NDUFAF6: variants seen among roughly 807,000 people sequenced by gnomAD.
NDUFAF6 encodes NADH:ubiquinone oxidoreductase complex assembly factor 6.
A neutral mutation model predicts 40.8 loss-of-function variants in NDUFAF6; 45 were observed. That is an observed-to-expected ratio of 1.10 (90% CI 0.87 to 1.42). NDUFAF6 has a LOEUF of 1.42. Ranked by LOEUF, NDUFAF6 falls within the 40% of genes most tolerant of loss-of-function variation. NDUFAF6 has a pLI of 0.00. For synonymous variants in NDUFAF6, 185 were observed against 155.9 expected (o/e 1.19, Z -1.39); for missense variants, 435 against 418.5 (o/e 1.04, Z -0.34).
chr8:94,929,608 C>T (rs542797499), intron 1 of NDUFAF6: 1 of 152,252 alleles, frequency 6.6e-6, no homozygotes, highest in South Asian at 2.1e-4. Flanking sequence ...TATGAAGTCA[C>T]TTGAGTGCCT....
chr8:94,930,873 A>T, intron 1 of NDUFAF6: 1 of 1,001,562 alleles, frequency 1.0e-6, no homozygotes, highest in Non-Finnish European at 1.4e-6. Flanking sequence ...AGACAAGTTT[A>T]TTATTCTGTG....
intron 1 of NDUFAF6, among the ~76,000 whole-genome samples, chr8:94,944,281 G>A (rs574066106): frequency 2.0e-5 from 3 of 152,336 alleles, no homozygotes; most frequent in South Asian, 4.1e-4. Context: ...GATGCTGCAT[G>A]AGAGTAAGGC....
intron 1 of NDUFAF6, among the ~76,000 whole-genome samples, chr8:94,959,377 C>T (rs1181312990): frequency 2.0e-5 from 3 of 152,132 alleles, no homozygotes; most frequent in Non-Finnish European, 4.4e-5. Flanking sequence ...GGAAGGAGGT[C>T]AATGGGTTCT....
intron 2 of NDUFAF6, among the ~76,000 whole-genome samples, chr8:95,007,806 A>C: frequency 6.6e-6 from 1 of 150,960 alleles, no homozygotes; most frequent in African/African-American, 2.4e-5. Context: ...TTCACTGCAA[A>C]CTCTGCCTCC....
intron 2 of NDUFAF6, among the ~76,000 whole-genome samples, chr8:95,102,088 C>G (rs1215686456): frequency 1.3e-5 from 2 of 152,190 alleles, no homozygotes; most frequent in African/African-American, 4.8e-5. Flanking sequence ...ACCTCCACCT[C>G]CCGGGTTCAA....
At chr8:95,046,451 G>T (rs1830779935) in intron 5 of NDUFAF6, among the ~76,000 whole-genome samples, 1 of 152,138 alleles carries the variant, frequency 6.6e-6, no homozygotes, top group East Asian at 1.9e-4. Flanking sequence ...AGTTAGTGAG[G>T]TCTTATTGAA....
chr8:95,035,432 A>C, intron 2 of NDUFAF6, 22 bp from the exon 3 acceptor site: 1 of 1,613,260 alleles, frequency 6.2e-7, no homozygotes, highest in Middle Eastern at 1.7e-4. Flanking sequence ...CATTTGCTAA[A>C]GTTTTTAAAC....
At chr8:94,921,409 C>T (rs1386060321) in intron 1 of NDUFAF6, among the ~76,000 whole-genome samples, 1 of 152,266 alleles carries the variant, frequency 6.6e-6, no homozygotes, top group East Asian at 1.9e-4. Context: ...GAATGCATAT[C>T]TGATTGGCCA....
intron 2 of NDUFAF6, chr8:94,951,353 A>G (rs1026563037): frequency 6.6e-6 from 1 of 152,230 alleles, no homozygotes; most frequent in Non-Finnish European, 1.5e-5. Flanking sequence ...GCACTGCCAA[A>G]ATGACGGCAT....
intron 1 of NDUFAF6, chr8:94,930,736 A>AGAAAAAAGT: frequency 6.2e-7 from 1 of 1,612,898 alleles, no homozygotes; most frequent in Non-Finnish European, 8.5e-7. Context: ...ACTCTGAAAC[A>AGAAAAAAGT]GAAAAAAGTG....
downstream of NDUFAF6, among the ~76,000 whole-genome samples, chr8:95,059,687 TA>T (rs984883889): frequency 1.3e-5 from 2 of 151,684 alleles, no homozygotes; most frequent in African/African-American, 4.8e-5. Flanking sequence ...CATCTCTACT[TA>T]AAATACAAAA....
intron 2 of NDUFAF6, among the ~76,000 whole-genome samples, chr8:95,084,116 ATTAT>A (rs1249658514): frequency 5.3e-5 from 8 of 152,106 alleles, no homozygotes; most frequent in Middle Eastern, 3.2e-3. Context: ...TTATTATTTC[ATTAT>A]TTATTTATCT....
At chr8:95,079,311 A>C (rs943243303), downstream of NDUFAF6, among the ~76,000 whole-genome samples, 1 of 152,172 alleles carries the variant, frequency 6.6e-6, no homozygotes, top group Non-Finnish European at 1.5e-5. Context: ...TGGGGCAATA[A>C]ATTCTTTTTA....
At chr8:94,906,243 G>A (rs1300619093) in intron 1 of NDUFAF6, among the ~76,000 whole-genome samples, 1 of 152,078 alleles carries the variant, frequency 6.6e-6, no homozygotes, top group Non-Finnish European at 1.5e-5. Flanking sequence ...TGTGCTCTTA[G>A]GTATGACCAC....
At position 94,940,231 on chromosome 8, in the gene NDUFAF6, G is replaced by A. The variant is rs371400833; in HGVS notation, c.-935-5252G>A. The A allele has an allele frequency of 3.2e-5, 51 of 1,596,332 alleles. No individual in the cohort carries two copies. The Middle Eastern group carries it at 6.7e-4, about 21-fold the overall frequency. ...AACCAGTGCAAGTATCTAGATCGTA[G>A]TCCACATTGCAGTCCACATGTGTTG... is the stretch of plus-strand genomic sequence containing the variant. On this transcript the variant is annotated intron_variant, in intron 1 of 14. Transcript: ENST00000396113.
At chr8:94,942,261 C>T (rs186754219) in intron 1 of NDUFAF6, among the ~76,000 whole-genome samples, 4 of 151,894 alleles carry the variant, frequency 2.6e-5, no homozygotes, top group Non-Finnish European at 5.9e-5. Context: ...AGGATGGTCT[C>T]GATCTCCTGA....
At chr8:95,014,591 G>C (rs1046415705) in intron 2 of NDUFAF6, among the ~76,000 whole-genome samples, 2 of 152,204 alleles carry the variant, frequency 1.3e-5, no homozygotes, top group Non-Finnish European at 2.9e-5. Flanking sequence ...CAGAAACTAA[G>C]TTCCAAGTTC....
intron 2 of NDUFAF6, among the ~76,000 whole-genome samples, chr8:94,949,578 G>C (rs972767247): frequency 6.6e-6 from 1 of 151,984 alleles, no homozygotes; most frequent in African/African-American, 2.4e-5. Flanking sequence ...GGAGCTGAGC[G>C]TGAAGGCCTG....
At chr8:94,979,842 C>T (rs1825268183) in intron 1 of NDUFAF6, among the ~76,000 whole-genome samples, 1 of 152,208 alleles carries the variant, frequency 6.6e-6, no homozygotes, top group Non-Finnish European at 1.5e-5. Flanking sequence ...CGCCTGTAAT[C>T]CCAGCACTTT....
Sources: allele counts gnomAD v4.1 joint callset (sites outside exome capture counted in the v4.1 genomes callset), GRCh38; gene constraint gnomAD v4.1.1; transcripts MANE v1.5; gene names NCBI Gene and HGNC (gene_info 2026-07-23, HGNC 2026-07-21).